Variants in TTLL13 observed in about 807,000 individuals in gnomAD.
The protein encoded by TTLL13 is tubulin tyrosine ligase like 13, also known as tubulin polyglutamylase TTLL13.
chr15:90,257,624 A>G, the TTLL13 span: 3 of 1,613,492 alleles, frequency 1.9e-6, no homozygotes, highest in East Asian at 2.2e-5. Context: ...CCACAGGGCC[A>G]CTCTTTCCAC....
the TTLL13 span, among the ~76,000 whole-genome samples, chr15:90,256,602 T>TTCC: frequency 3.4e-5 from 1 of 29,124 alleles, no homozygotes; most frequent in Non-Finnish European, 6.6e-5. Flanking sequence ...TCTTTCTTTC[T>TTCC]TTCTTTCCTT....
chr15:90,254,186 C>CTGT, the TTLL13 span, among the ~76,000 whole-genome samples: 2 of 137,984 alleles, frequency 1.4e-5, no homozygotes, highest in East Asian at 2.0e-4. Flanking sequence ...GAGTGAGACC[C>CTGT]TGTTTTTTTT....
chr15:90,253,545 G>A, the TTLL13 span, among the ~76,000 whole-genome samples: 3 of 152,126 alleles, frequency 2.0e-5, no homozygotes, highest in Non-Finnish European at 4.4e-5. Flanking sequence ...GAGATTGTGG[G>A]TTTCTGGAAT....
the TTLL13 span, chr15:90,264,984 C>T: frequency 2.6e-6 from 4 of 1,527,974 alleles, no homozygotes; most frequent in African/African-American, 5.5e-5. Context: ...GAGGGAAGCA[C>T]TCTACCTCTC....
At chr15:90,250,627 G>C in the TTLL13 span, 12 of 1,611,298 alleles carry the variant, frequency 7.4e-6, no homozygotes, top group African/African-American at 1.5e-4. Context: ...CAGAATCTGA[G>C]AGAATGGAGC....
the TTLL13 span, chr15:90,263,725 G>C: frequency 1.5e-6 from 1 of 667,404 alleles, no homozygotes; most frequent in Non-Finnish European, 2.7e-6. Flanking sequence ...GTAAGGGGCT[G>C]CTCTTCTCCT....
chr15:90,264,121 G>A, the TTLL13 span: 1 of 1,026,334 alleles, frequency 9.7e-7, no homozygotes, highest in African/African-American at 1.6e-5. Context: ...CAAGCATAGA[G>A]CTTGGATGCC....
chr15:90,256,286 T>C, the TTLL13 span: 4 of 1,614,124 alleles, frequency 2.5e-6, no homozygotes, highest in East Asian at 2.2e-5. Context: ...CTGCCAGCAA[T>C]ACATCTCCAA....
At chr15:90,254,653 C>T in the TTLL13 span, among the ~76,000 whole-genome samples, 1 of 151,714 alleles carries the variant, frequency 6.6e-6, no homozygotes, top group African/African-American at 2.4e-5. Flanking sequence ...GCCTGGGCAA[C>T]AGGCAAAACC....
chr15:90,260,163 C>T, the TTLL13 span, among the ~76,000 whole-genome samples: 2 of 152,158 alleles, frequency 1.3e-5, no homozygotes, highest in Non-Finnish European at 2.9e-5. Flanking sequence ...ACTAAATAAA[C>T]AAAATACAAT....
the TTLL13 span, chr15:90,264,938 GC>G: frequency 6.5e-7 from 1 of 1,536,074 alleles, no homozygotes; most frequent in Middle Eastern, 1.7e-4. Context: ...GCGTTCCAGA[GC>G]ACTCCTCAAC....
the TTLL13 span, among the ~76,000 whole-genome samples, chr15:90,251,967 C>T: frequency 0.062 from 9,459 of 151,900 alleles, 414 homozygotes; most frequent in Admixed American, 0.09. Context: ...CTTGAACTCC[C>T]GAGCTCAAGC....
the TTLL13 span, chr15:90,265,465 T>G: frequency 2.2e-5 from 30 of 1,363,142 alleles, no homozygotes; most frequent in Admixed American, 4.7e-4. Flanking sequence ...TAATTAAAGT[T>G]TATGCAGTTT....
chr15:90,262,410 T>G, the TTLL13 span: 6 of 1,371,092 alleles, frequency 4.4e-6, no homozygotes, highest in Non-Finnish European at 5.7e-6. Context: ...AATTTCCTGC[T>G]CTTTCCTCAT....
At chr15:90,258,627 T>C in the TTLL13 span, 3 of 890,652 alleles carry the variant, frequency 3.4e-6, no homozygotes, top group African/African-American at 5.0e-5. Flanking sequence ...GCATCCAGCC[T>C]CCCCGGCTGA....
the TTLL13 span, chr15:90,258,190 A>ATGG: frequency 6.2e-7 from 1 of 1,614,132 alleles, no homozygotes; most frequent in Admixed American, 1.7e-5. Flanking sequence ...CAGTATCTGA[A>ATGG]TGGAGGTACA....
chr15:90,251,114 C>CTTTTTTTTTTTTTTTT, the TTLL13 span, among the ~76,000 whole-genome samples: 12 of 104,670 alleles, frequency 1.1e-4, no homozygotes, highest in African/African-American at 3.0e-4. Context: ...CCTGGTCTGT[C>CTTTTTTTTTTTTTTTT]TTTTTTTTTT....
the TTLL13 span, among the ~76,000 whole-genome samples, chr15:90,261,410 A>G: frequency 1.3e-5 from 2 of 150,576 alleles, no homozygotes; most frequent in African/African-American, 2.4e-5. Flanking sequence ...TGGAAAGCTA[A>G]TATCAAAACA....
the TTLL13 span, chr15:90,264,987 T>C: frequency 6.6e-7 from 1 of 1,526,248 alleles, no homozygotes; most frequent in Non-Finnish European, 8.8e-7. Flanking sequence ...GGAAGCACTC[T>C]ACCTCTCCTG....
Sources: gnomAD v4.1 joint callset for allele counts (sites outside exome capture counted in the v4.1 genomes callset) on GRCh38, gnomAD v4.1.1 for gene constraint, MANE v1.5 for transcripts, NCBI Gene and HGNC (gene_info 2026-07-23, HGNC 2026-07-21) for gene names.